The following ANTXR1 variants were observed in gnomAD, a reference collection of about 807,000 sequenced individuals.
ANTXR1 encodes the protein ANTXR cell adhesion molecule 1.
In ANTXR1, 19 loss-of-function variants were observed where a neutral mutation model predicts 78.1. The observed-to-expected ratio is 0.24, with a 90% CI of 0.17 to 0.36. The LOEUF is 0.36. Among genes scored for constraint, ANTXR1 ranks in the 10% least tolerant of loss-of-function variants. The pLI is 1.00. For missense variants in ANTXR1, 518 were observed against 718.6 expected (o/e 0.72, Z 3.19); for synonymous variants, 273 against 260.5 (o/e 1.05, Z -0.46).
intron 10 of ANTXR1, among the ~76,000 whole-genome samples, chr2:69,106,473 C>A (rs1671812337): frequency 6.6e-6 from 1 of 152,182 alleles, no homozygotes; most frequent in South Asian, 2.1e-4. Flanking sequence ...GGCTGTGACC[C>A]CGATGCTGAT....
chr2:69,076,879 G>A (rs376039304), intron 7 of ANTXR1, among the ~76,000 whole-genome samples: 6 of 152,204 alleles, frequency 3.9e-5, no homozygotes, highest in African/African-American at 1.4e-4. Context: ...GCTTCTCCTG[G>A]CCCTCAGTTT....
intron 13 of ANTXR1, among the ~76,000 whole-genome samples, chr2:69,162,294 T>G (rs1480893938): frequency 1.3e-5 from 2 of 152,150 alleles, no homozygotes; most frequent in African/African-American, 4.8e-5. Context: ...CATAAAAGTT[T>G]GGGAGTTGAA....
intron 14 of ANTXR1, among the ~76,000 whole-genome samples, chr2:69,177,878 T>C (rs972656862): frequency 1.3e-5 from 2 of 152,346 alleles, no homozygotes; most frequent in Admixed American, 1.3e-4. Context: ...TGCCCCACTC[T>C]GTTCTGCTCA....
At chr2:69,176,443 A>G (rs1674120194) in intron 14 of ANTXR1, among the ~76,000 whole-genome samples, 1 of 152,168 alleles carries the variant, frequency 6.6e-6, no homozygotes, top group Non-Finnish European at 1.5e-5. Context: ...GATCTCCCTG[A>G]CTTCTCCCCA....
At chr2:69,169,748 C>T (rs1673927051) in intron 13 of ANTXR1, among the ~76,000 whole-genome samples, 1 of 152,240 alleles carries the variant, frequency 6.6e-6, no homozygotes, top group Admixed American at 6.5e-5. Context: ...GCACATCCAC[C>T]CTGCAAAGAC....
intron 2 of ANTXR1, among the ~76,000 whole-genome samples, chr2:69,041,831 A>G (rs1669623506): frequency 6.6e-6 from 1 of 152,140 alleles, no homozygotes; most frequent in South Asian, 2.1e-4. Flanking sequence ...GGAGGTTGAC[A>G]TGGCTTAATC....
chr2:69,062,644 C>G (rs1670280200), intron 3 of ANTXR1, among the ~76,000 whole-genome samples: 1 of 152,132 alleles, frequency 6.6e-6, no homozygotes, highest in African/African-American at 2.4e-5. Flanking sequence ...ACCGAAGTCT[C>G]CACTGCTTTT....
intron 1 of ANTXR1, among the ~76,000 whole-genome samples, chr2:69,014,511 T>C (rs1670965373): frequency 6.6e-6 from 1 of 152,172 alleles, no homozygotes; most frequent in South Asian, 2.1e-4. Context: ...TAGGATTTGC[T>C]CAAGGGAGAG....
intron 1 of ANTXR1, among the ~76,000 whole-genome samples, chr2:69,027,783 A>G (rs918634204): frequency 2.0e-5 from 3 of 151,720 alleles, no homozygotes; most frequent in African/African-American, 7.3e-5. Flanking sequence ...AGGTGGAAGA[A>G]TAATATATTC....
At chr2:69,126,262 G>T (rs1316455158) in intron 12 of ANTXR1, among the ~76,000 whole-genome samples, 1 of 152,178 alleles carries the variant, frequency 6.6e-6, no homozygotes, top group Non-Finnish European at 1.5e-5. Context: ...CCATTGTAAA[G>T]GTACAGATGA....
intron 16 of ANTXR1, among the ~76,000 whole-genome samples, chr2:69,184,773 G>A (rs1221695795): frequency 6.6e-6 from 1 of 152,170 alleles, no homozygotes; most frequent in East Asian, 1.9e-4. Context: ...TATTCATTGT[G>A]CAGCTACTGT....
intron 3 of ANTXR1, among the ~76,000 whole-genome samples, chr2:69,068,816 C>T (rs556909789): frequency 5.3e-5 from 8 of 152,178 alleles, no homozygotes; most frequent in Admixed American, 1.3e-4. Context: ...ACCCCAGTGG[C>T]TAAGCAAGAG....
chr2:69,169,997 A>G (rs1227276353), intron 13 of ANTXR1, among the ~76,000 whole-genome samples: 1 of 152,244 alleles, frequency 6.6e-6, no homozygotes, highest in Non-Finnish European at 1.5e-5. Context: ...GACCTGTGGA[A>G]CATTTATTTC....
chr2:69,078,237 G>C (rs1670797600), intron 8 of ANTXR1, among the ~76,000 whole-genome samples: 1 of 152,200 alleles, frequency 6.6e-6, no homozygotes, highest in Non-Finnish European at 1.5e-5. Flanking sequence ...TAAAGCCTCA[G>C]CCAGCAGGTC....
At chr2:69,128,456 G>T (rs1672619719) in intron 12 of ANTXR1, among the ~76,000 whole-genome samples, 1 of 152,126 alleles carries the variant, frequency 6.6e-6, no homozygotes, top group African/African-American at 2.4e-5. Flanking sequence ...CTAGAGAGCT[G>T]GCTCTTTAAT....
At position 69,203,835 on chromosome 2, in the gene ANTXR1, TC is replaced by T. The variant is rs375651318; in HGVS notation, c.1434+10423del. Among the ~76,000 whole-genome samples the T allele has an allele frequency of 1.5e-3, 226 of 152,204 alleles. 1 individual carries two copies. Among genetic ancestry groups the T allele is most frequent in the African/African-American group, 5.0e-3 (209 of 41,534 alleles). On this transcript the variant is annotated intron_variant, in intron 17 of 17. Transcript: ENST00000303714. ...ACTTTCAACTTCAGATTGTCTCATC[TC>T]CCAAACAGCTGCAACAACAGAAGGT...
chr2:69,044,728 C>A lies in ANTXR1; in HGVS notation c.225-14C>A. 6.2e-7 allele frequency: 1 copy of A among 1,613,686 alleles called. No homozygotes were observed. Among genetic ancestry groups the A allele is most frequent in the Admixed American group, 1.7e-5 (1 of 59,990 alleles). On this transcript the variant is annotated splice_polypyrimidine_tract_variant and intron_variant, in intron 2 of 17. Transcript: ENST00000303714. ...CTTATTGTCTGTCCTAATAGAGCTT[C>A]TTTTCCTTTCCAGCCCACAGTTGAG...
chr2:69,103,024 C>T, intron 10 of ANTXR1, 84 bp downstream of exon 10: 1 of 1,315,460 alleles, frequency 7.6e-7, no homozygotes, highest in African/African-American at 1.4e-5. Context: ...AGCAAGGCCA[C>T]ACACATGAAA....
At chr2:69,036,463 G>A (rs72895440) in intron 1 of ANTXR1, among the ~76,000 whole-genome samples, 27,874 of 151,918 alleles carry the variant, frequency 0.18, 5,871 homozygotes, top group African/African-American at 0.51. Flanking sequence ...TCAAATACTC[G>A]GTCTTACTCA....
Sources: gnomAD v4.1 joint callset for allele counts (sites outside exome capture counted in the v4.1 genomes callset) on GRCh38, gnomAD v4.1.1 for gene constraint, MANE v1.5 for transcripts, NCBI Gene and HGNC (gene_info 2026-07-23, HGNC 2026-07-21) for gene names.